Variants in PKD1L3 observed in about 807,000 individuals in gnomAD.
The protein encoded by PKD1L3 is polycystin-1-like protein 3.
PKD1L3 carries 239 observed loss-of-function variants against 184.1 expected under a neutral mutation model. The observed-to-expected ratio is 1.30, with a 90% CI of 1.17 to 1.45. The LOEUF (loss-of-function observed/expected upper bound fraction) is 1.45. Among genes scored for constraint, PKD1L3 ranks in the 40% most tolerant of loss-of-function variants. PKD1L3 has a pLI of 0.00. For missense variants in PKD1L3, 2,660 were observed against 2,067.2 expected (o/e 1.29, Z -5.56); for synonymous variants, 996 against 778.8 (o/e 1.28, Z -4.64).
At position 71,998,361 on chromosome 16, in the gene PKD1L3, A is replaced by C; in HGVS notation, c.329T>G (p.Leu110Arg). ...GTTTCTGGACAGGTAGGTGCAGCTG[A>C]GGGGCTTTGGGGGCCCGTTGGCTGC... The part of the protein sequence containing the change: ...DVAANGPPKP[L>R]SCTYLSRNFI... The change falls in exon 2 of 30, where the codon CTC (leucine) becomes CGC (arginine). Residue 110 changes from leucine to arginine, a missense_variant. Transcript: ENST00000620267. The C allele has an allele frequency of 6.4e-7, 1 of 1,551,754 alleles. No individual in the cohort carries two copies. Among genetic ancestry groups the C allele is most frequent in the Non-Finnish European group, 8.7e-7 (1 of 1,146,986 alleles).
intron 15 of PKD1L3, among the ~76,000 whole-genome samples, chr16:71,966,241 T>G (rs1221352925): frequency 6.6e-6 from 1 of 152,176 alleles, no homozygotes; most frequent in Admixed American, 6.5e-5. Context: ...TCCTCATTCT[T>G]AATTAATTGT....
chr16:71,985,748 A>G (rs1340216763), intron 5 of PKD1L3, among the ~76,000 whole-genome samples: 1 of 152,132 alleles, frequency 6.6e-6, no homozygotes, highest in Non-Finnish European at 1.5e-5. Flanking sequence ...TTTGAACTTT[A>G]GTAGAGAAAG....
intron 2 of PKD1L3, among the ~76,000 whole-genome samples, chr16:71,994,536 A>G (rs9921885): frequency 0.053 from 8,021 of 152,154 alleles, 728 homozygotes; most frequent in African/African-American, 0.18. Flanking sequence ...TCATTCCTGC[A>G]TGCTATTTCT....
At position 71,953,047 on chromosome 16, in the gene PKD1L3, A is replaced by G. The variant is rs7204708; in HGVS notation, c.2856T>C (p.His952=). 1,173,399 of 1,543,056 alleles carry G rather than the reference A, an allele frequency of 0.76. 448,776 individuals are homozygous for G. The highest frequency in any genetic ancestry group is 0.97 in the East Asian group (39,082 of 40,306). ...TGATTGGGAAGAGGATGACAGCAGT[A>G]TGGATGCTGACCAGCAGTTCAGACC... ...VAWSELLVSI[H]TAVILFPINL... Residue 952 remains histidine, a synonymous_variant, in exon 18 of 30, where the codon CAT becomes CAC. Coordinates refer to ENST00000620267, the MANE Select transcript of PKD1L3 (RefSeq NM_181536.2).
Position 71,978,379 on chromosome 16 carries a change from G to A in PKD1L3, c.1403C>T (p.Thr468Ile). The part of the protein sequence containing the change: ...NKHPGVNVQI[T>I]GLAFNPFKDL... ...CTTGAAGGGATTGAAAGCTAGTCCTGTTATCTAAAGACAAAGAGAAGCCCA... is the reference window on the plus strand; with the variant it reads ...CTTGAAGGGATTGAAAGCTAGTCCTATTATCTAAAGACAAAGAGAAGCCCA... The change falls in exon 10 of 30, where the codon ACA becomes ATA. Residue 468 changes from threonine (T) to isoleucine (I), a missense_variant. Thr to Ile is a moderately conservative substitution (Grantham distance 89). Coordinates refer to ENST00000620267, the MANE Select transcript of PKD1L3 (RefSeq NM_181536.2). The A allele has an allele frequency of 6.5e-7, 1 of 1,547,230 alleles. No individual in the cohort carries two copies. Among genetic ancestry groups the A allele is most frequent in the Non-Finnish European group, 8.7e-7 (1 of 1,144,540 alleles).
Position 71,973,242 on chromosome 16 carries a change from G to T in PKD1L3, c.1953+82C>A, listed in dbSNP as rs116537532. 4.9e-6 allele frequency: 7 copies of T among 1,419,090 alleles called. No individual in the cohort carries two copies. In the African/African-American group the frequency reaches 8.6e-5, roughly 17 times the overall value. 87.9% of individuals were successfully genotyped at this position (1,419,090 alleles called of 1,614,324 possible). ...ACCTGATTATTTTTCTTTCTGGGCT[G>T]CCCCAAATGAGATAACGGATGCATT... On this transcript the variant is annotated intron_variant, in intron 12 of 29. Coordinates refer to ENST00000620267, the MANE Select transcript of PKD1L3 (RefSeq NM_181536.2).
chr16:71,933,097 G>C (rs1288363746), intron 28 of PKD1L3, among the ~76,000 whole-genome samples: 1 of 152,036 alleles, frequency 6.6e-6, no homozygotes, highest in Non-Finnish European at 1.5e-5. Context: ...CTTTCAAGGG[G>C]CCATTGAGAA....
chr16:71,984,324 G>A (rs1278140418), intron 5 of PKD1L3, among the ~76,000 whole-genome samples, 157 bp from the exon 6 acceptor site: 1 of 152,170 alleles, frequency 6.6e-6, no homozygotes, highest in Non-Finnish European at 1.5e-5. Flanking sequence ...AAGCTTTTCT[G>A]CGAGTGGACA....
intron 23 of PKD1L3, 24 bp from the exon 24 acceptor site, chr16:71,943,048 G>A (rs1457371557): frequency 1.7e-5 from 26 of 1,495,256 alleles, no homozygotes; most frequent in Non-Finnish European, 2.2e-5. Flanking sequence ...GGAAAAAAAT[G>A]TCATAGTTGA....
At position 71,951,649 on chromosome 16, in the gene PKD1L3, C is replaced by G; in HGVS notation, c.3105G>C (p.Lys1035Asn). The change falls in exon 19 of 30, where the codon AAG (lysine) becomes AAC (asparagine). Residue 1035 changes from lysine to asparagine, a missense_variant. Transcript: ENST00000620267. ...CGAGGCTGGATAAAAGTTTCACCAG[C>G]TTAGTAATGTCCCAAGAACTCCATG... Reference protein sequence around the residue: ...QPPWSSWDITKLVKLLSSLVS... With the variant: ...QPPWSSWDITNLVKLLSSLVS... The G allele has an allele frequency of 6.4e-7, 1 of 1,551,748 alleles. No homozygotes were observed. The highest frequency in any genetic ancestry group is 8.7e-7 in the Non-Finnish European group (1 of 1,147,004).
Position 72,000,111 on chromosome 16 carries a change from A to AAAAAAAATT in PKD1L3, c.-134_-133insAATTTTTTT. The AAAAAAAATT allele has an allele frequency of 1.2e-6, 1 of 828,188 alleles. No homozygotes were observed. The highest frequency in any genetic ancestry group is 1.8e-5 in the African/African-American group (1 of 56,620). The allele number at this position is 828,188 out of a possible 1,614,324, so 51.3% of individuals were successfully genotyped here. A position where few individuals can be genotyped will look rare whatever the true frequency, so the allele number is the denominator to read the frequency against. On this transcript the variant is annotated 5_prime_UTR_variant, in exon 1 of 30. Transcript: ENST00000620267. The stretch of plus-strand genomic sequence containing the variant: ...GGGAACAATTTACCAAGGATACAAA[A>AAAAAAAATT]GGTTTTGTTTTGAGGACCCAGGTGC...
chr16:71,941,880 G>A (rs2038374519), intron 24 of PKD1L3, among the ~76,000 whole-genome samples: 1 of 150,610 alleles, frequency 6.6e-6, no homozygotes, highest in East Asian at 2.0e-4. Flanking sequence ...CACCGTGCCC[G>A]ACCTCTATGA....
At chr16:71,937,214 C>T in intron 25 of PKD1L3, 78 bp downstream of exon 25, 2 of 1,428,966 alleles carry the variant, frequency 1.4e-6, no homozygotes, top group Non-Finnish European at 1.9e-6. Flanking sequence ...TGCCACCACA[C>T]CTGGGTAATT....
chr16:71,944,064 C>G lies in PKD1L3; in HGVS notation c.3825G>C (p.Lys1275Asn). ...CTCCAGTCAGCTTGAAGAGTTTCTT[C>G]TTTTTCAAGGTTCTTTCTGGGTGCT... ...PTKHPERTLK[K>N]KKLFKLTGDI... Residue 1275 changes from lysine (K) to asparagine (N), a missense_variant, in exon 23 of 30, where the codon AAG becomes AAC. Lys to Asn is a moderately conservative substitution (Grantham distance 94). Coordinates refer to ENST00000620267, the MANE Select transcript of PKD1L3 (RefSeq NM_181536.2). The G allele has an allele frequency of 6.4e-7, 1 of 1,552,016 alleles. No homozygotes were observed. The highest frequency in any genetic ancestry group is 2.4e-5 in the East Asian group (1 of 40,900).
At chr16:71,979,636 C>T in intron 9 of PKD1L3, 150 bp downstream of exon 9, 1 of 935,844 alleles carries the variant, frequency 1.1e-6, no homozygotes, top group Non-Finnish European at 1.4e-6. Context: ...TCTATCCCTG[C>T]CAGTGTAAAA....
intron 16 of PKD1L3, among the ~76,000 whole-genome samples, chr16:71,959,437 C>CA (rs1348174936): frequency 2.0e-5 from 3 of 151,750 alleles, no homozygotes; most frequent in Non-Finnish European, 4.4e-5. Context: ...AACAAACAAA[C>CA]AAAAAACAAA....
chr16:71,938,920 G>A (rs542671785), intron 24 of PKD1L3, among the ~76,000 whole-genome samples: 32 of 152,338 alleles, frequency 2.1e-4, no homozygotes, highest in African/African-American at 7.2e-4. Flanking sequence ...GACTGAAAGA[G>A]CTGTAACACA....
chr16:71,952,931 G>C lies in PKD1L3; in HGVS notation c.2972C>G (p.Ala991Gly). ...TGTGGCAGAGAGAGGCTCAACAGAA[G>C]CATCTGAGAGGCAGGAGGCCTGGAT... ...PPIQASCLSD[A>G]SVEPLSATMV... is the part of the protein sequence containing the mutation. The change falls in exon 18 of 30, where the codon GCT becomes GGT. Residue 991 changes from alanine to glycine, a missense_variant. Ala to Gly is a moderately conservative substitution (Grantham distance 60). Transcript: ENST00000620267. The C allele has an allele frequency of 1.3e-6, 2 of 1,550,768 alleles. No homozygotes were observed. Among genetic ancestry groups the C allele is most frequent in the Non-Finnish European group, 1.7e-6 (2 of 1,146,824 alleles).
At chr16:71,948,101 A>G (rs2143323032) in intron 21 of PKD1L3, among the ~76,000 whole-genome samples, 1 of 151,842 alleles carries the variant, frequency 6.6e-6, no homozygotes. Context: ...ATTTTTTTTG[A>G]GACAGAGTCT....
Sources: gnomAD v4.1 joint callset for allele counts (sites outside exome capture counted in the v4.1 genomes callset) on GRCh38, gnomAD v4.1.1 for gene constraint, MANE v1.5 for transcripts, NCBI Gene and HGNC (gene_info 2026-07-23, HGNC 2026-07-21) for gene names.